The following KIF13A variants were observed in gnomAD, a reference collection of about 807,000 sequenced individuals.
KIF13A encodes the protein kinesin family member 13A, also known as kinesin-like protein KIF13A.
A neutral mutation model predicts 212.2 loss-of-function variants in KIF13A; 79 were observed. The ratio of observed to expected loss-of-function variants is 0.37; its 90% confidence interval spans 0.31 to 0.45. KIF13A has a LOEUF of 0.45. Among genes scored for constraint, KIF13A ranks in the 20% least tolerant of loss-of-function variants. The pLI, the probability that KIF13A is intolerant of heterozygous loss-of-function variation, is 1.00. For missense variants in KIF13A, 1,901 were observed against 2,209.0 expected (o/e 0.86, Z 2.79); for synonymous variants, 789 against 808.6 (o/e 0.98, Z 0.41).
intron 2 of KIF13A, among the ~76,000 whole-genome samples, chr6:17,942,931 A>C (rs948428607): frequency 1.3e-5 from 2 of 152,150 alleles, no homozygotes; most frequent in Admixed American, 1.3e-4. Context: ...GTGAGCCAAG[A>C]TTGTGCCACT....
chr6:17,884,685 T>C (rs1042321780), intron 3 of KIF13A, among the ~76,000 whole-genome samples: 3 of 152,238 alleles, frequency 2.0e-5, no homozygotes, highest in Admixed American at 1.3e-4. Context: ...GTCTGCTCTA[T>C]GTGGACTTGC....
intron 3 of KIF13A, among the ~76,000 whole-genome samples, chr6:17,894,336 T>C (rs1772365732): frequency 6.6e-6 from 1 of 151,048 alleles, no homozygotes; most frequent in Admixed American, 6.6e-5. Context: ...TCTTGCTATA[T>C]TGCTCAAGCT....
intron 2 of KIF13A, among the ~76,000 whole-genome samples, chr6:17,932,959 G>A (rs1776137794): frequency 6.6e-6 from 1 of 152,034 alleles, no homozygotes; most frequent in African/African-American, 2.4e-5. Context: ...AAAAAGTCAA[G>A]CTTTTCATTT....
Position 17,850,865 on chromosome 6 carries a change from G to A in KIF13A, c.583-408C>T, listed in dbSNP as rs1767573588. Among the ~76,000 whole-genome samples, 1 of 152,096 alleles carries A rather than the reference G, an allele frequency of 6.6e-6. No homozygotes were observed. The highest frequency in any genetic ancestry group is 2.1e-4 in the South Asian group (1 of 4,830). ...CAATACTGTGGCTCCCTGATGGCAGGGTTTTTTCCTTATTCCACTTTGTAC... is the reference window on the plus strand; with the variant it reads ...CAATACTGTGGCTCCCTGATGGCAGAGTTTTTTCCTTATTCCACTTTGTAC... On this transcript the variant is annotated intron_variant, in intron 7 of 38. Coordinates refer to ENST00000259711, the MANE Select transcript of KIF13A (RefSeq NM_022113.6). This position sits in a 1 kb window ranked among gnomAD's most constrained non-coding sequence, Gnocchi z 6.2.
At chr6:17,844,815 C>G (rs922167917) in intron 9 of KIF13A, among the ~76,000 whole-genome samples, 2 of 152,164 alleles carry the variant, frequency 1.3e-5, no homozygotes, top group African/African-American at 4.8e-5. Context: ...GACACCCACC[C>G]TTGAGTAATG....
rs763836610 is a variant in KIF13A at position 17,834,662 on chromosome 6, G to A, written c.1156-591C>T. ...AGAGTAACTAAGAGGTTTCAATACAGATACTTGCAGCTTAACAAAATTTTG... is the reference window on the plus strand; with the variant it reads ...AGAGTAACTAAGAGGTTTCAATACAAATACTTGCAGCTTAACAAAATTTTG... On this transcript the variant is annotated intron_variant, in intron 11 of 38. Transcript: ENST00000259711. This position sits in a 1 kb window ranked among gnomAD's most constrained non-coding sequence, Gnocchi z 4.0. 4.6e-5 allele frequency among the ~76,000 whole-genome samples: 7 copies of A among 152,178 alleles called. No homozygotes were observed. The highest frequency in any genetic ancestry group is 8.8e-5 in the Non-Finnish European group (6 of 68,030).
Position 17,987,508 on chromosome 6 carries a change from A to T in KIF13A, c.-45T>A. 1 of 1,072,140 alleles carries T rather than the reference A, an allele frequency of 9.3e-7. No individual in the cohort carries two copies. Among genetic ancestry groups the T allele is most frequent in the Non-Finnish European group, 1.1e-6 (1 of 870,500 alleles). The allele number at this position is 1,072,140 out of a possible 1,614,324, so 66.4% of individuals were successfully genotyped here. On this transcript the variant is annotated 5_prime_UTR_variant, in exon 1 of 39. Coordinates refer to ENST00000259711, the MANE Select transcript of KIF13A (RefSeq NM_022113.6). This position sits in a 1 kb window ranked among gnomAD's most constrained non-coding sequence, Gnocchi z 7.7. ...CCGCTCGCCGCGCCCGCTCGGCCTT[A>T]GGCGGCCCCTCACGCGCGGCGCCGC...
intron 2 of KIF13A, among the ~76,000 whole-genome samples, chr6:17,975,092 C>G (rs1049878552): frequency 3.3e-5 from 5 of 152,062 alleles, no homozygotes; most frequent in Non-Finnish European, 7.3e-5. Flanking sequence ...ACCTGTAATC[C>G]CAGAACTTTG....
intron 9 of KIF13A, among the ~76,000 whole-genome samples, chr6:17,844,157 A>T (rs1766798943): frequency 6.6e-6 from 1 of 152,220 alleles, no homozygotes; most frequent in African/African-American, 2.4e-5. Flanking sequence ...TCTTAACAGT[A>T]AAGCAGAAAT....
Position 17,771,192 on chromosome 6 carries a change from G to T in KIF13A, c.4503C>A (p.Asn1501Lys), listed in dbSNP as rs1362747960. 6.2e-7 allele frequency: 1 copy of T among 1,612,878 alleles called. No homozygotes were observed. Among genetic ancestry groups the T allele is most frequent in the African/African-American group, 1.3e-5 (1 of 74,912 alleles). Residue 1501 changes from asparagine to lysine, a missense_variant, in exon 38 of 39, where the codon AAC (asparagine) becomes AAA (lysine). By Grantham distance (94) the Asn-to-Lys change is moderately conservative. This residue lies in a region of KIF13A where 687 missense variants were observed against 759.1 expected (regional missense o/e 0.90). Coordinates refer to ENST00000259711, the MANE Select transcript of KIF13A (RefSeq NM_022113.6). This position sits in a 1 kb window ranked among gnomAD's most constrained non-coding sequence, Gnocchi z 5.4. ...TTCCTGAGGGTACAATGCAGCCAGG[G>T]TTATGTGCCTGAGGTGGAGGCATGC... The part of the protein sequence containing the change: ...QESMPPPQAH[N>K]PGCIVPSGSN...
chr6:17,947,591 G>A lies in KIF13A; in HGVS notation c.146+39463C>T, dbSNP rs1367729688. On this transcript the variant is annotated intron_variant, in intron 2 of 38. Transcript: ENST00000259711. This position sits in a 1 kb window ranked among gnomAD's most constrained non-coding sequence, Gnocchi z 4.6. ...CGCCTGTAATCCCAGCACTTTGGGA[G>A]GCCGAGGTGGGTGGATCACCTGAGG... 6.6e-6 allele frequency among the ~76,000 whole-genome samples: 1 copy of A among 152,164 alleles called. No homozygotes were observed. Among genetic ancestry groups the A allele is most frequent in the African/African-American group, 2.4e-5 (1 of 41,436 alleles).
intron 2 of KIF13A, among the ~76,000 whole-genome samples, chr6:17,962,585 CG>C (rs1206302102): frequency 6.6e-6 from 1 of 152,082 alleles, no homozygotes; most frequent in Non-Finnish European, 1.5e-5. Context: ...CCATCTGTAC[CG>C]GCCCTGCCCT....
chr6:17,813,502 G>T (rs1763617488), intron 17 of KIF13A, among the ~76,000 whole-genome samples: 1 of 152,066 alleles, frequency 6.6e-6, no homozygotes, highest in Admixed American at 6.6e-5. Flanking sequence ...TCAGAAAAAA[G>T]AGTAATATAA....
Position 17,821,760 on chromosome 6 carries a change from C to CATGCCA in KIF13A, c.1786+4002_1786+4007dup. The CATGCCA allele has an allele frequency of 2.6e-6, 4 of 1,534,564 alleles. No homozygotes were observed. In the African/African-American group the frequency reaches 5.5e-5, roughly 21 times the overall value. ...CTGCTAAAAACCAGCCAAGCTCCCT[C>CATGCCA]ATGCCAATGCCAATCAGTTAAAAAC... is the stretch of plus-strand genomic sequence containing the variant. On this transcript the variant is annotated intron_variant, in intron 16 of 38. Transcript: ENST00000259711.
chr6:17,781,092 G>A lies in KIF13A; in HGVS notation c.3669+85C>T, dbSNP rs528205101. ...AAAGTCCCCGGTCTTTTTCCCCAAA[G>A]CAAACCATAGCAGTTTAGTGAGCAG... On this transcript the variant is annotated intron_variant, in intron 30 of 38. Coordinates refer to ENST00000259711, the MANE Select transcript of KIF13A (RefSeq NM_022113.6). 8.3e-5 allele frequency: 129 copies of A among 1,547,792 alleles called. No individual in the cohort carries two copies. The South Asian group carries it at 1.4e-3, about 17-fold the overall frequency.
intron 2 of KIF13A, among the ~76,000 whole-genome samples, chr6:17,960,257 A>C (rs911559019): frequency 5.3e-5 from 8 of 152,204 alleles, no homozygotes; most frequent in Non-Finnish European, 1.2e-4. Flanking sequence ...AAAAGTAAAC[A>C]TTCTTTGAGA....
intron 23 of KIF13A, among the ~76,000 whole-genome samples, chr6:17,795,959 G>A (rs1011102921): frequency 1.3e-5 from 2 of 152,132 alleles, no homozygotes; most frequent in African/African-American, 4.8e-5. Flanking sequence ...ATTAATTTTT[G>A]TATATGGTGT....
At chr6:17,966,617 A>G (rs1469804296) in intron 2 of KIF13A, among the ~76,000 whole-genome samples, 1 of 152,064 alleles carries the variant, frequency 6.6e-6, no homozygotes, top group Non-Finnish European at 1.5e-5. Context: ...CCAACACAAC[A>G]CAGTGCTTGA....
chr6:17,790,637 G>A (rs1370486478), intron 25 of KIF13A, among the ~76,000 whole-genome samples: 4 of 152,126 alleles, frequency 2.6e-5, no homozygotes, highest in Non-Finnish European at 4.4e-5. Context: ...CTTAAAGGAT[G>A]AAATGATTTA....
Sources: allele counts gnomAD v4.1 joint callset (sites outside exome capture counted in the v4.1 genomes callset), GRCh38; gene constraint gnomAD v4.1.1; regional missense constraint gnomAD v4.1.1; non-coding constraint Gnocchi (gnomAD v3.1); transcripts MANE v1.5; gene names NCBI Gene and HGNC (gene_info 2026-07-23, HGNC 2026-07-21).